FBXW7: variants seen among roughly 807,000 people sequenced by gnomAD.
FBXW7 encodes the protein F-box/WD repeat-containing protein 7.
FBXW7 carries 11 observed loss-of-function variants against 86.3 expected under a neutral mutation model. The ratio of observed to expected loss-of-function variants is 0.13; its 90% CI spans 0.08 to 0.21. The LOEUF is 0.21. FBXW7 is among the 10% of genes least tolerant of loss of function. The probability of loss-of-function intolerance (pLI) is 1.00; values close to 1 mark genes in which losing one functional copy is unlikely to be tolerated. For missense variants in FBXW7, 488 were observed against 847.4 expected (o/e 0.58, Z 5.27); for synonymous variants, 313 against 297.9 (o/e 1.05, Z -0.52).
chr4:152,409,497 G>A (rs918475433), intron 4 of FBXW7, among the ~76,000 whole-genome samples: 7 of 152,042 alleles, frequency 4.6e-5, no homozygotes, highest in African/African-American at 1.7e-4. Flanking sequence ...TTTTTTTAAT[G>A]CTGTTGAAAG....
chr4:152,534,342 T>G (rs1481381658), intron 2 of FBXW7, among the ~76,000 whole-genome samples: 1 of 152,102 alleles, frequency 6.6e-6, no homozygotes, highest in Non-Finnish European at 1.5e-5. Context: ...CCAAGTAAGT[T>G]GTGATTCCTA....
intron 2 of FBXW7, among the ~76,000 whole-genome samples, chr4:152,438,798 CTTAT>C (rs1387745819): frequency 6.6e-6 from 1 of 152,170 alleles, no homozygotes; most frequent in Non-Finnish European, 1.5e-5. Flanking sequence ...TGTGCGTGGA[CTTAT>C]TTAACAGCAC....
intron 4 of FBXW7, among the ~76,000 whole-genome samples, chr4:152,382,022 AT>A (rs1392078885): frequency 6.6e-6 from 1 of 152,190 alleles, no homozygotes; most frequent in East Asian, 1.9e-4. Flanking sequence ...TCTAGGCTCT[AT>A]ATCATATTAT....
chr4:152,397,695 C>CAAAAAAAAAAAAAAAA (rs397995836), intron 4 of FBXW7, among the ~76,000 whole-genome samples: 2 of 60,406 alleles, frequency 3.3e-5, no homozygotes, highest in African/African-American at 1.1e-4. Context: ...CCTAAGAAGC[C>CAAAAAAAAAAAAAAAA]AAAAAAAAAA....
intron 2 of FBXW7, among the ~76,000 whole-genome samples, chr4:152,524,455 A>G (rs540186242): frequency 6.6e-6 from 1 of 152,354 alleles, no homozygotes; most frequent in South Asian, 2.1e-4. Flanking sequence ...CCACCCTAAA[A>G]TAACACTGAT....
intron 2 of FBXW7, among the ~76,000 whole-genome samples, chr4:152,429,664 G>A (rs1739715712): frequency 6.6e-6 from 1 of 152,144 alleles, no homozygotes; most frequent in South Asian, 2.1e-4. Flanking sequence ...ACTTGGTAGT[G>A]AATCTTACTA....
At chr4:152,528,691 G>A (rs772165014) in intron 2 of FBXW7, among the ~76,000 whole-genome samples, 10 of 152,158 alleles carry the variant, frequency 6.6e-5, no homozygotes, top group Non-Finnish European at 1.3e-4. Flanking sequence ...ATAGTGTTCA[G>A]AAAATGTCAC....
rs1476008896 is a variant in FBXW7 at position 152,535,025 on chromosome 4, G to C, written c.-204C>G. The C allele has an allele frequency of 2.0e-5, 3 of 152,278 alleles. No individual in the cohort carries two copies. Among genetic ancestry groups the C allele is most frequent in the African/African-American group, 4.8e-5 (2 of 41,444 alleles). The allele number at this position is 152,278 out of a possible 1,614,324, so 9.4% of individuals were successfully genotyped here. On this transcript the variant is annotated 5_prime_UTR_variant, in exon 2 of 14. Transcript: ENST00000281708. ...TGAAGCGGCAGCTGCGGAAGGCTCCGGCGCGGTACTGAGGAAGAAGCGGTG... is the reference window on the plus strand; with the variant it reads ...TGAAGCGGCAGCTGCGGAAGGCTCCCGCGCGGTACTGAGGAAGAAGCGGTG...
At chr4:152,501,499 G>T (rs1746946245) in intron 2 of FBXW7, among the ~76,000 whole-genome samples, 1 of 152,168 alleles carries the variant, frequency 6.6e-6, no homozygotes, top group East Asian at 1.9e-4. Flanking sequence ...AGAAAAAAAG[G>T]TTGGTGCTTT....
intron 2 of FBXW7, among the ~76,000 whole-genome samples, chr4:152,472,658 C>T (rs1252434332): frequency 6.6e-6 from 1 of 152,106 alleles, no homozygotes; most frequent in Admixed American, 6.5e-5. Context: ...ATGACAGATA[C>T]AGGGAAGCTC....
rs1432652674 is a variant in FBXW7 at position 152,320,804 on chromosome 4, T to C, written c.*2077A>G. ...TTGCCTAACCAGTCTCAGCTGCAGA[T>C]TTTTGCTCGTCTTTAAGATGGGAGA... On this transcript the variant is annotated 3_prime_UTR_variant, in exon 14 of 14. Transcript: ENST00000281708. 6.6e-6 allele frequency: 1 copy of C among 152,112 alleles called. No homozygotes were observed. 9.4% of individuals were successfully genotyped at this position (152,112 alleles called of 1,614,324 possible). A position where few individuals can be genotyped will look rare whatever the true frequency, so the allele number is the denominator to read the frequency against.
intron 4 of FBXW7, among the ~76,000 whole-genome samples, chr4:152,380,240 A>AT (rs1734939848): frequency 6.6e-6 from 1 of 152,070 alleles, no homozygotes; most frequent in African/African-American, 2.4e-5. Flanking sequence ...ATTATTAATT[A>AT]TAACATATTA....
At chr4:152,512,275 A>G (rs1399490301) in intron 2 of FBXW7, among the ~76,000 whole-genome samples, 2 of 152,234 alleles carry the variant, frequency 1.3e-5, no homozygotes, top group African/African-American at 4.8e-5. Flanking sequence ...TATATAGCAC[A>G]TATTTTAGAC....
In FBXW7 at chr4:152,430,519, TA is replaced by T. The variant is rs397978644; in HGVS notation, c.-119-17991del. Among the ~76,000 whole-genome samples the T allele has an allele frequency of 2.4e-3, 339 of 143,700 alleles. 1 individual carries two copies. The highest frequency in any genetic ancestry group is 2.5e-3 in the Non-Finnish European group (161 of 65,080). 94.3% of individuals were successfully genotyped at this position (143,700 alleles called of 152,430 possible). A position where few individuals can be genotyped will look rare whatever the true frequency, so the allele number is the denominator to read the frequency against. ...AGAAAATCATGATATTTCTTACCAT[TA>T]AAAAAAAAAAAGTTCTGTCTGTACT... On this transcript the variant is annotated intron_variant, in intron 2 of 13. Coordinates refer to ENST00000281708, the MANE Select transcript of FBXW7 (RefSeq NM_001349798.2).
intron 2 of FBXW7, among the ~76,000 whole-genome samples, chr4:152,437,149 A>G (rs1740455633): frequency 6.6e-6 from 1 of 152,228 alleles, no homozygotes; most frequent in Non-Finnish European, 1.5e-5. Flanking sequence ...TACCATTAAG[A>G]ATATCTGTGT....
chr4:152,380,192 C>T (rs1734933006), intron 4 of FBXW7, among the ~76,000 whole-genome samples: 1 of 151,858 alleles, frequency 6.6e-6, no homozygotes, highest in South Asian at 2.1e-4. Flanking sequence ...AGTAAAAATA[C>T]CCGATGTAAA....
intron 4 of FBXW7, among the ~76,000 whole-genome samples, chr4:152,384,372 T>C (rs756102390): frequency 6.6e-6 from 1 of 152,078 alleles, no homozygotes; most frequent in Non-Finnish European, 1.5e-5. Context: ...TTCTGACATA[T>C]GCTACAACAT....
At chr4:152,408,488 A>T (rs1737630311) in intron 4 of FBXW7, among the ~76,000 whole-genome samples, 1 of 152,212 alleles carries the variant, frequency 6.6e-6, no homozygotes, top group African/African-American at 2.4e-5. Context: ...TCAAGAGAGT[A>T]TGACCTCTAT....
intron 2 of FBXW7, among the ~76,000 whole-genome samples, chr4:152,460,060 T>C (rs962597306): frequency 2.0e-5 from 3 of 152,222 alleles, no homozygotes; most frequent in African/African-American, 7.2e-5. Flanking sequence ...CTGGAAAAAG[T>C]AGTAATGAAC....
Sources: allele counts gnomAD v4.1 joint callset (sites outside exome capture counted in the v4.1 genomes callset), GRCh38; gene constraint gnomAD v4.1.1; transcripts MANE v1.5; gene names NCBI Gene and HGNC (gene_info 2026-07-23, HGNC 2026-07-21).